The following FGGY variants were observed in gnomAD, a reference collection of about 807,000 sequenced individuals.
FGGY encodes the protein FGGY carbohydrate kinase domain containing, also known as FGGY carbohydrate kinase domain-containing protein.
Under a neutral mutation model 71.3 loss-of-function variants are expected in FGGY, and 72 were observed. That is an observed-to-expected ratio of 1.01 (90% CI 0.84 to 1.23). The LOEUF (loss-of-function observed/expected upper bound fraction) is 1.23, where lower values mean the gene tolerates loss of function less well. Among genes scored for constraint, FGGY ranks in the 50% most tolerant of loss-of-function variants. The pLI, the probability that FGGY is intolerant of heterozygous loss-of-function variation, is 0.00. For missense variants in FGGY, 668 were observed against 682.3 expected, an observed-to-expected ratio of 0.98 and a Z score of 0.23; for synonymous variants, 251 against 250.3, an observed-to-expected ratio of 1.00 and a Z score of -0.02.
At chr1:59,419,720 G>A (rs1488457164) in intron 5 of FGGY, among the ~76,000 whole-genome samples, 1 of 152,150 alleles carries the variant, frequency 6.6e-6, no homozygotes, top group Admixed American at 6.5e-5. Flanking sequence ...GATGATTTTA[G>A]GTCCAGAGTT....
intron 5 of FGGY, among the ~76,000 whole-genome samples, chr1:59,405,842 C>G (rs140808520): frequency 6.6e-6 from 1 of 152,196 alleles, no homozygotes; most frequent in East Asian, 1.9e-4. Flanking sequence ...ATGACCTGCT[C>G]TGCTCTCTGG....
At chr1:59,738,836 G>T (rs917837637) in intron 14 of FGGY, among the ~76,000 whole-genome samples, 5 of 152,230 alleles carry the variant, frequency 3.3e-5, no homozygotes, top group East Asian at 1.9e-4. Flanking sequence ...GGTTGAGAGA[G>T]ATTAGGCCCC....
At position 59,297,640 on chromosome 1, in the gene FGGY, G is replaced by C. The variant is rs537204941; in HGVS notation, c.-15+490G>C. ...GATCGAGACCATCCAGGCTAACACG[G>C]TGAAACCCCCGTCTCTACTAAAAAT... is the stretch of plus-strand genomic sequence containing the variant. On this transcript the variant is annotated intron_variant, in intron 1 of 15. Coordinates refer to ENST00000303721, the MANE Select transcript of FGGY (RefSeq NM_018291.5). Among the ~76,000 whole-genome samples the C allele has an allele frequency of 2.0e-5, 3 of 151,990 alleles. No individual in the cohort carries two copies. In the East Asian group the frequency reaches 5.8e-4, roughly 29 times the overall value.
At chr1:59,313,415 T>C (rs1176841978) in intron 1 of FGGY, among the ~76,000 whole-genome samples, 2 of 152,316 alleles carry the variant, frequency 1.3e-5, no homozygotes, top group African/African-American at 4.8e-5. Flanking sequence ...AATATTTGTT[T>C]GTTTACTGGA....
At chr1:59,336,122 A>G in intron 2 of FGGY, among the ~76,000 whole-genome samples, 1 of 152,224 alleles carries the variant, frequency 6.6e-6, no homozygotes, top group Middle Eastern at 3.4e-3. Flanking sequence ...TTTTAGTCTT[A>G]CATTTAGGGA....
At chr1:59,321,104 A>C (rs2046304107) in intron 1 of FGGY, among the ~76,000 whole-genome samples, 1 of 152,184 alleles carries the variant, frequency 6.6e-6, no homozygotes, top group Non-Finnish European at 1.5e-5. Context: ...CTTAGTAGGT[A>C]ATTGTTGAAT....
intron 8 of FGGY, among the ~76,000 whole-genome samples, chr1:59,596,616 G>C (rs1230743983): frequency 6.6e-6 from 1 of 152,148 alleles, no homozygotes; most frequent in Non-Finnish European, 1.5e-5. Flanking sequence ...AGTGACTCAG[G>C]CTTGCCTAGT....
intron 13 of FGGY, among the ~76,000 whole-genome samples, chr1:59,669,938 G>A (rs1002795076): frequency 1.3e-5 from 2 of 152,138 alleles, no homozygotes; most frequent in Non-Finnish European, 2.9e-5. Flanking sequence ...GAGTGCAGCG[G>A]CTTCACAGAA....
chr1:59,576,762 A>G lies in FGGY; in HGVS notation c.903+22535A>G, dbSNP rs541150245. Among the ~76,000 whole-genome samples the G allele has an allele frequency of 2.0e-5, 3 of 152,096 alleles. No individual in the cohort carries two copies. The South Asian group carries it at 6.2e-4, about 32-fold the overall frequency. ...TGATCTTCCAAAGCATTCAGGGCAA[A>G]TAGCAGCCCATGTTTTAATAACCCT... On this transcript the variant is annotated intron_variant, in intron 8 of 15. Coordinates refer to ENST00000303721, the MANE Select transcript of FGGY (RefSeq NM_018291.5).
intron 14 of FGGY, among the ~76,000 whole-genome samples, chr1:59,710,402 C>A (rs1290042850): frequency 1.3e-5 from 2 of 152,128 alleles, no homozygotes; most frequent in African/African-American, 4.8e-5. Flanking sequence ...GACTTCATGA[C>A]TAAAACACCG....
At chr1:59,614,357 T>A (rs1385787860) in intron 9 of FGGY, among the ~76,000 whole-genome samples, 1 of 152,200 alleles carries the variant, frequency 6.6e-6, no homozygotes, top group Non-Finnish European at 1.5e-5. Flanking sequence ...TGCAAATCAA[T>A]AAACGTAATC....
At chr1:59,325,375 C>CAACAACAACAACAACAACAACAAA (rs747772630) in intron 2 of FGGY, among the ~76,000 whole-genome samples, 136 of 152,098 alleles carry the variant, frequency 8.9e-4, no homozygotes, top group South Asian at 6.2e-3. Context: ...GCAACAACAA[C>CAACAACAACAACAACAACAACAAA]AACAACAACA....
At chr1:59,301,860 C>T (rs547593463) in intron 1 of FGGY, among the ~76,000 whole-genome samples, 2 of 149,668 alleles carry the variant, frequency 1.3e-5, no homozygotes, top group Non-Finnish European at 3.0e-5. Context: ...ATTACAGGCA[C>T]GCACCACCAC....
At position 59,554,143 on chromosome 1, in the gene FGGY, G is replaced by C. The variant is rs1157251790; in HGVS notation, c.819G>C (p.Val273=). The stretch of plus-strand genomic sequence containing the variant: ...TCACAGGAGTGATTGGGGCAGATGT[G>C]AGAGGGCACGGCCTCATCTGTGAGG... ...AGGLGVIGAD[V]RGHGLICEGQ... is the part of the protein sequence containing the mutation. Residue 273 remains valine (V), a synonymous_variant, in exon 8 of 16, where the codon GTG becomes GTC. Coordinates refer to ENST00000303721, the MANE Select transcript of FGGY (RefSeq NM_018291.5). The C allele has an allele frequency of 9.9e-6, 16 of 1,611,472 alleles. No homozygotes were observed. The highest frequency in any genetic ancestry group is 1.4e-5 in the Non-Finnish European group (16 of 1,177,986).
intron 6 of FGGY, among the ~76,000 whole-genome samples, chr1:59,468,565 C>A (rs1424981597): frequency 6.6e-6 from 1 of 152,032 alleles, no homozygotes; most frequent in African/African-American, 2.4e-5. Flanking sequence ...GTCATGTAGG[C>A]TAAAAATTTG....
intron 4 of FGGY, among the ~76,000 whole-genome samples, chr1:59,374,409 T>G (rs1395607590): frequency 6.6e-6 from 1 of 152,142 alleles, no homozygotes; most frequent in Non-Finnish European, 1.5e-5. Flanking sequence ...AAACAACAGG[T>G]GCTGGAGAGG....
intron 1 of FGGY, among the ~76,000 whole-genome samples, chr1:59,320,667 G>C (rs835408): frequency 0.4 from 61,545 of 152,050 alleles, 12,950 homozygotes; most frequent in African/African-American, 0.51. Flanking sequence ...CTAACTAATT[G>C]CTGATCTTGT....
intron 2 of FGGY, among the ~76,000 whole-genome samples, chr1:59,329,287 A>G (rs996962277): frequency 5.9e-5 from 9 of 151,902 alleles, no homozygotes; most frequent in Admixed American, 4.6e-4. Flanking sequence ...ACCGTAGTCT[A>G]TTAAGTGTGC....
At chr1:59,430,156 C>T (rs1482990371) in intron 5 of FGGY, among the ~76,000 whole-genome samples, 1 of 152,166 alleles carries the variant, frequency 6.6e-6, no homozygotes, top group African/African-American at 2.4e-5. Context: ...TTTAGAAAAG[C>T]CAAGAATTAA....
Sources: gnomAD v4.1 joint callset for allele counts (sites outside exome capture counted in the v4.1 genomes callset) on GRCh38, gnomAD v4.1.1 for gene constraint, MANE v1.5 for transcripts, NCBI Gene and HGNC (gene_info 2026-07-23, HGNC 2026-07-21) for gene names.